The following TET3 variants were observed in gnomAD, a reference collection of about 807,000 sequenced individuals.
The protein encoded by TET3 is methylcytosine dioxygenase TET3.
A neutral mutation model predicts 141.4 loss-of-function variants in TET3; 19 were observed. The observed-to-expected ratio is 0.13, with a 90% CI of 0.09 to 0.20. TET3 has a LOEUF of 0.20. Among genes scored for constraint, TET3 ranks in the 10% least tolerant of loss-of-function variants. The pLI is 1.00. For synonymous variants in TET3, 1,043 were observed against 980.9 expected, an observed-to-expected ratio of 1.06 and a Z score of -1.18; for missense variants, 1,874 against 2,356.9, an observed-to-expected ratio of 0.80 and a Z score of 4.24.
At position 74,060,809 on chromosome 2, in the gene TET3, T is replaced by C. The variant is rs555738939; in HGVS notation, c.2494+12398T>C. Among the ~76,000 whole-genome samples, 34 of 152,292 alleles carry C rather than the reference T, an allele frequency of 2.2e-4. 1 individual carries two copies. In the Middle Eastern group the frequency reaches 0.017, roughly 76 times the overall value. On this transcript the variant is annotated intron_variant, in intron 4 of 11. Transcript: ENST00000409262. ...TAATCCATTTAACCCTGAGTGGACATAGCACATGTTTCAGAGAGCACAGGG... is the reference window on the plus strand; with the variant it reads ...TAATCCATTTAACCCTGAGTGGACACAGCACATGTTTCAGAGAGCACAGGG...
In TET3 at chr2:74,064,856, A is replaced by G. The variant is rs186072861; in HGVS notation, c.2495-8693A>G. Among the ~76,000 whole-genome samples, 188 of 152,364 alleles carry G rather than the reference A, an allele frequency of 1.2e-3. 1 individual carries two copies. The highest frequency in any genetic ancestry group is 4.1e-3 in the South Asian group (20 of 4,830). ...ATAAAATATATGTAGATACTAGTCT[A>G]TGTGTTAATTATCTGTTATCAGTAA... On this transcript the variant is annotated intron_variant, in intron 4 of 11. Coordinates refer to ENST00000409262, the MANE Select transcript of TET3 (RefSeq NM_001287491.2).
In TET3 at chr2:74,100,745, A is replaced by G; in HGVS notation, c.3957A>G (p.Pro1319=). The change falls in exon 12 of 12, where the codon CCA becomes CCG. Residue 1319 remains proline, a synonymous_variant. Transcript: ENST00000409262. The part of the protein sequence containing the change: ...SGSSGSFEKK[P]DLHALHNSLS... The stretch of plus-strand genomic sequence containing the variant: ...GCAGTGGCAGTTTTGAGAAGAAGCC[A>G]GACCTCCACGCTCTGCACAACAGCC... 1 of 1,613,786 alleles carries G rather than the reference A, an allele frequency of 6.2e-7. No homozygotes were observed. Among genetic ancestry groups the G allele is most frequent in the Middle Eastern group, 1.6e-4 (1 of 6,062 alleles).
At chr2:74,072,462 A>G (rs971964343) in intron 4 of TET3, among the ~76,000 whole-genome samples, 1 of 152,020 alleles carries the variant, frequency 6.6e-6, no homozygotes, top group African/African-American at 2.4e-5. Context: ...CAGTGAGCCA[A>G]GATCGCGCCA....
chr2:74,045,040 A>G (rs1482180519), intron 3 of TET3, among the ~76,000 whole-genome samples: 1 of 152,226 alleles, frequency 6.6e-6, no homozygotes, highest in African/African-American at 2.4e-5. Context: ...AAGTCAAGAA[A>G]AACAATACAG....
chr2:74,113,581 A>C, the TET3 span, among the ~76,000 whole-genome samples: 19 of 152,246 alleles, frequency 1.2e-4, no homozygotes, highest in South Asian at 3.9e-3. Context: ...TAAAACTGAT[A>C]AATTCAGTAA....
intron 4 of TET3, among the ~76,000 whole-genome samples, chr2:74,048,921 C>T (rs775930762): frequency 6.6e-5 from 10 of 152,066 alleles, no homozygotes; most frequent in Non-Finnish European, 1.0e-4. Flanking sequence ...GAGCCAAGGC[C>T]AAGAGTTTGA....
At chr2:74,076,088 A>T (rs1689487877) in intron 5 of TET3, among the ~76,000 whole-genome samples, 1 of 152,094 alleles carries the variant, frequency 6.6e-6, no homozygotes, top group Non-Finnish European at 1.5e-5. Context: ...ACAACTTTTC[A>T]TTATAGAAAA....
intron 7 of TET3, among the ~76,000 whole-genome samples, chr2:74,088,574 G>C (rs1690287873): frequency 6.6e-6 from 1 of 152,260 alleles, no homozygotes; most frequent in South Asian, 2.1e-4. Flanking sequence ...TCGGGCGGCG[G>C]AAGTTGCAGT....
At chr2:74,039,566 C>T (rs1687237904) in intron 3 of TET3, among the ~76,000 whole-genome samples, 1 of 152,150 alleles carries the variant, frequency 6.6e-6, no homozygotes, top group Non-Finnish European at 1.5e-5. Context: ...TAGTATAAAA[C>T]AGTAATCATT....
At chr2:74,003,652 G>A (rs555870381) in intron 3 of TET3, among the ~76,000 whole-genome samples, 47 of 151,632 alleles carry the variant, frequency 3.1e-4, no homozygotes, top group African/African-American at 1.1e-3. Context: ...TCACCATGGA[G>A]ATGGCTGGAG....
At position 74,093,000 on chromosome 2, in the gene TET3, C is replaced by T; in HGVS notation, c.3129+9C>T. On this transcript the variant is annotated intron_variant, in intron 9 of 11. Transcript: ENST00000409262. ...AGGCCTATCAGAACCAGGTAACGGG[C>T]CCTGGGCCTTTTGCTGCCCACATGT... 6.4e-7 allele frequency: 1 copy of T among 1,560,854 alleles called. No individual in the cohort carries two copies. Among genetic ancestry groups the T allele is most frequent in the East Asian group, 2.4e-5 (1 of 41,614 alleles).
chr2:74,038,206 G>A (rs900224400), intron 3 of TET3, among the ~76,000 whole-genome samples: 2 of 152,208 alleles, frequency 1.3e-5, no homozygotes, highest in African/African-American at 4.8e-5. Flanking sequence ...TGTGACTGGG[G>A]TTGGCGATGC....
intron 3 of TET3, among the ~76,000 whole-genome samples, chr2:74,014,004 G>GT (rs910824706): frequency 6.2e-4 from 93 of 151,074 alleles, no homozygotes; most frequent in African/African-American, 1.2e-3. Flanking sequence ...AGTAGCTGTG[G>GT]TTTTTTTTTA....
rs182777763 is a variant in TET3 at position 74,053,901 on chromosome 2, A to G, written c.2494+5490A>G. Reference sequence around the variant, plus strand: ...ATCTTTTAAATGTTTTTTTGAAACAATGACTATTTGGACACCATATAAAGG... The same window carrying G: ...ATCTTTTAAATGTTTTTTTGAAACAGTGACTATTTGGACACCATATAAAGG... On this transcript the variant is annotated intron_variant, in intron 4 of 11. Transcript: ENST00000409262. 4.9e-4 allele frequency among the ~76,000 whole-genome samples: 74 copies of G among 152,320 alleles called. 2 individuals are homozygous for G. The South Asian group carries it at 0.015, about 30-fold the overall frequency.
chr2:74,122,122 A>G, the TET3 span: 4 of 152,364 alleles, frequency 2.6e-5, no homozygotes, highest in Admixed American at 2.6e-4. Context: ...AGATGGATCA[A>G]AGAAATGGCA....
chr2:74,086,325 G>A (rs1690157946), intron 6 of TET3, among the ~76,000 whole-genome samples: 1 of 151,840 alleles, frequency 6.6e-6, no homozygotes, highest in South Asian at 2.1e-4. Flanking sequence ...TGAGAACCCA[G>A]ACCTCAGACC....
chr2:74,010,529 C>T (rs988399891), intron 3 of TET3, among the ~76,000 whole-genome samples: 1 of 152,208 alleles, frequency 6.6e-6, no homozygotes, highest in Non-Finnish European at 1.5e-5. Flanking sequence ...GCACCAACTG[C>T]TTATTGGAAT....
chr2:74,129,499 G>A, the TET3 span, among the ~76,000 whole-genome samples: 1 of 151,304 alleles, frequency 6.6e-6, no homozygotes, highest in South Asian at 2.1e-4. Context: ...CAGGAGTGGT[G>A]GCAGGCACCT....
chr2:74,072,552 G>A (rs1470209690), intron 4 of TET3, among the ~76,000 whole-genome samples: 3 of 151,034 alleles, frequency 2.0e-5, no homozygotes, highest in Admixed American at 2.0e-4. Context: ...CATCCATATT[G>A]TAGCATGTAT....
Sources: allele counts gnomAD v4.1 joint callset (sites outside exome capture counted in the v4.1 genomes callset), GRCh38; gene constraint gnomAD v4.1.1; transcripts MANE v1.5; gene names NCBI Gene and HGNC (gene_info 2026-07-23, HGNC 2026-07-21).